DYM: variants seen among roughly 807,000 people sequenced by gnomAD.
The protein encoded by DYM is dymeclin.
Under a neutral mutation model 93.1 loss-of-function variants are expected in DYM, and 78 were observed. The ratio of observed to expected loss-of-function variants is 0.84; its 90% CI spans 0.70 to 1.01. DYM has a LOEUF of 1.01. Ranked by LOEUF, DYM falls within the 50% of genes least tolerant of loss-of-function variation. The pLI, the probability that DYM is intolerant of heterozygous loss-of-function variation, is 0.00. For synonymous variants in DYM, 321 were observed against 319.7 expected, an observed-to-expected ratio of 1.00 and a Z score of -0.04; for missense variants, 789 against 845.0, an observed-to-expected ratio of 0.93 and a Z score of 0.82.
At chr18:49,408,774 A>G (rs2071830121) in intron 2 of DYM, among the ~76,000 whole-genome samples, 1 of 152,228 alleles carries the variant, frequency 6.6e-6, no homozygotes, top group Non-Finnish European at 1.5e-5. Context: ...ACCCTATTCA[A>G]CATGACCTAA....
chr18:49,459,269 C>T (rs1471889522), intron 1 of DYM, among the ~76,000 whole-genome samples: 4 of 152,192 alleles, frequency 2.6e-5, no homozygotes, highest in Middle Eastern at 3.2e-3. Flanking sequence ...CACCTAACCT[C>T]TAAAAGACTA....
At chr18:49,148,434 T>G (rs1250760216) in intron 15 of DYM, among the ~76,000 whole-genome samples, 1 of 152,152 alleles carries the variant, frequency 6.6e-6, no homozygotes, top group East Asian at 1.9e-4. Context: ...ATTAATTAAT[T>G]TTTTGTAGAC....
chr18:49,207,167 G>A (rs376104711), intron 14 of DYM, among the ~76,000 whole-genome samples: 1 of 152,106 alleles, frequency 6.6e-6, no homozygotes, highest in East Asian at 1.9e-4. Context: ...GACTCCAGGA[G>A]AAAAAAGACA....
intron 17 of DYM, among the ~76,000 whole-genome samples, chr18:49,051,255 G>A (rs2072403059): frequency 6.6e-6 from 1 of 152,182 alleles, no homozygotes; most frequent in Non-Finnish European, 1.5e-5. Flanking sequence ...TTTTGTGGCC[G>A]TGTTTCCTCA....
intron 17 of DYM, among the ~76,000 whole-genome samples, chr18:49,094,504 C>A (rs571921145): frequency 7.9e-5 from 12 of 152,286 alleles, no homozygotes; most frequent in African/African-American, 2.9e-4. Flanking sequence ...AAAATAATTA[C>A]CTGGTATTGC....
At chr18:49,412,344 T>A (rs78036521) in intron 2 of DYM, among the ~76,000 whole-genome samples, 13,897 of 151,924 alleles carry the variant, frequency 0.091, 858 homozygotes, top group East Asian at 0.31. Flanking sequence ...CTTTAAAGGA[T>A]ATATTTCCCC....
At chr18:49,361,222 A>C (rs1258700843) in intron 6 of DYM, among the ~76,000 whole-genome samples, 1 of 152,200 alleles carries the variant, frequency 6.6e-6, no homozygotes, top group Non-Finnish European at 1.5e-5. Context: ...TTCCCTAGGC[A>C]ATGACTCTTC....
intron 14 of DYM, among the ~76,000 whole-genome samples, chr18:49,182,597 T>C (rs1447942870): frequency 6.6e-6 from 1 of 152,204 alleles, no homozygotes; most frequent in Non-Finnish European, 1.5e-5. Context: ...CCTGCTTTCT[T>C]TTGCTGGTGT....
chr18:49,223,116 T>C (rs891891054), intron 13 of DYM, among the ~76,000 whole-genome samples: 8 of 151,988 alleles, frequency 5.3e-5, no homozygotes, highest in Non-Finnish European at 1.0e-4. Context: ...ACAATAGAAA[T>C]TGATGAGAGG....
At position 49,039,863 on chromosome 18, in the gene DYM, C is replaced by T. The variant is rs1012059406; in HGVS notation, c.*4192G>A. The stretch of plus-strand genomic sequence containing the variant: ...TTATCTGGAGTCTGTTTGGATATTT[C>T]TATTGTCTGTGTTTTCCTCTAATGG... On this transcript the variant is annotated 3_prime_UTR_variant, in exon 18 of 18. Transcript: ENST00000675505. The T allele has an allele frequency of 1.3e-5, 2 of 152,182 alleles. No individual in the cohort carries two copies. Among genetic ancestry groups the T allele is most frequent in the Non-Finnish European group, 1.5e-5 (1 of 68,024 alleles). 9.4% of individuals were successfully genotyped at this position (152,182 alleles called of 1,614,324 possible). A position where few individuals can be genotyped will look rare whatever the true frequency, so the allele number is the denominator to read the frequency against.
chr18:49,187,952 G>A (rs1196320119), intron 14 of DYM, among the ~76,000 whole-genome samples: 2 of 152,030 alleles, frequency 1.3e-5, no homozygotes, highest in African/African-American at 4.8e-5. Context: ...AAATCAATAA[G>A]GCCACCTCAT....
In DYM at chr18:49,308,264, C is replaced by T. The variant is rs2061384448; in HGVS notation, c.764-21648G>A. Among the ~76,000 whole-genome samples, 3 of 146,804 alleles carry T rather than the reference C, an allele frequency of 2.0e-5. No homozygotes were observed. In the Admixed American group the frequency reaches 2.1e-4, roughly 10 times the overall value. On this transcript the variant is annotated intron_variant, in intron 8 of 17. Transcript: ENST00000675505. ...ATGCAACATTTTAAAATTTTATAAACAGACATTTCATACACACTTGTGTGT... is the reference window on the plus strand; with the variant it reads ...ATGCAACATTTTAAAATTTTATAAATAGACATTTCATACACACTTGTGTGT...
rs1313359595 is a variant in DYM at position 49,317,631 on chromosome 18, C to A, written c.763+14233G>T. ...CCCCTCCCTCCCTCCCTCCCTCCCT[C>A]TCCTATCCTCTCCTCTCCTTCCTTC... On this transcript the variant is annotated intron_variant, in intron 8 of 17. Transcript: ENST00000675505. 5.2e-3 allele frequency among the ~76,000 whole-genome samples: 290 copies of A among 55,584 alleles called. 7 individuals carry two copies. The highest frequency in any genetic ancestry group is 7.6e-3 in the Non-Finnish European group (233 of 30,844). The allele number at this position is 55,584 out of a possible 152,430, so 36.5% of individuals were successfully genotyped here.
rs1274497328 is a variant in DYM at position 49,038,102 on chromosome 18, G to T, written c.*5953C>A. Among the ~76,000 whole-genome samples the T allele has an allele frequency of 6.6e-6, 1 of 152,210 alleles. No homozygotes were observed. Among genetic ancestry groups the T allele is most frequent in the Non-Finnish European group, 1.5e-5 (1 of 68,032 alleles). On this transcript the variant is annotated 3_prime_UTR_variant, in exon 18 of 18. Transcript: ENST00000675505. ...GGCCTCTCAAAGTGCTAGTATTACA[G>T]ATGTGAGCCACTGTGCCTAGCCTGT...
chr18:49,259,229 C>G lies in DYM; in HGVS notation c.1252-736G>C, dbSNP rs144119072. Among the ~76,000 whole-genome samples the G allele has an allele frequency of 1.4e-3, 219 of 152,310 alleles. 1 individual carries two copies. Among genetic ancestry groups the G allele is most frequent in the African/African-American group, 4.9e-3 (205 of 41,560 alleles). Reference sequence around the variant, plus strand: ...TCACAAATGCAGAGGGGGGAACCCACCACCTTGCAAAACAAGTTAGTTAGA... The same window carrying G: ...TCACAAATGCAGAGGGGGGAACCCAGCACCTTGCAAAACAAGTTAGTTAGA... On this transcript the variant is annotated intron_variant, in intron 11 of 17. Transcript: ENST00000675505.
At chr18:49,255,321 T>C (rs1387646190) in intron 13 of DYM, among the ~76,000 whole-genome samples, 2 of 151,874 alleles carry the variant, frequency 1.3e-5, no homozygotes, top group African/African-American at 4.8e-5. Context: ...GAGCTTTCAG[T>C]GAGCTGTGGT....
At chr18:49,318,797 CTTTTTTTTTTTTTT>C (rs932617888) in intron 8 of DYM, among the ~76,000 whole-genome samples, 5 of 114,382 alleles carry the variant, frequency 4.4e-5, no homozygotes, top group African/African-American at 1.1e-4. Context: ...ATTTCTTTTT[CTTTTTTTTTTTTTT>C]TTTTTTTGAG....
chr18:49,092,247 A>G (rs1322814865), intron 17 of DYM, among the ~76,000 whole-genome samples: 1 of 152,226 alleles, frequency 6.6e-6, no homozygotes, highest in African/African-American at 2.4e-5. Context: ...CCAGTTGGAC[A>G]CTAAGCTGAA....
intron 2 of DYM, among the ~76,000 whole-genome samples, chr18:49,423,149 G>A (rs1401566671): frequency 6.6e-6 from 1 of 152,124 alleles, no homozygotes; most frequent in South Asian, 2.1e-4. Context: ...TGGAAGTAAA[G>A]CACTCCTCAG....
Sources: gnomAD v4.1 joint callset for allele counts (sites outside exome capture counted in the v4.1 genomes callset) on GRCh38, gnomAD v4.1.1 for gene constraint, MANE v1.5 for transcripts, NCBI Gene and HGNC (gene_info 2026-07-23, HGNC 2026-07-21) for gene names.